The following SLCO3A1 variants were observed in gnomAD, a reference collection of about 807,000 sequenced individuals.
The protein encoded by SLCO3A1 is solute carrier organic anion transporter family member 3A1, also known as PGE1 transporter.
A neutral mutation model predicts 63.1 loss-of-function variants in SLCO3A1; 27 were observed. That is an observed-to-expected ratio of 0.43 (90% CI 0.32 to 0.59). The LOEUF (loss-of-function observed/expected upper bound fraction) is 0.59, where lower values mean the gene tolerates loss of function less well. Ranked by LOEUF, SLCO3A1 falls within the 20% of genes least tolerant of loss-of-function variation. The pLI is 0.09. For synonymous variants in SLCO3A1, 473 were observed against 409.9 expected (o/e 1.15, Z -1.86); for missense variants, 773 against 945.8 (o/e 0.82, Z 2.40).
At chr15:91,869,362 C>T (rs1897239733) in intron 1 of SLCO3A1, among the ~76,000 whole-genome samples, 1 of 151,798 alleles carries the variant, frequency 6.6e-6, no homozygotes, top group Non-Finnish European at 1.5e-5. Context: ...ATGGTGAAAC[C>T]CTGTCTGTAC....
intron 2 of SLCO3A1, among the ~76,000 whole-genome samples, chr15:92,016,258 A>ATGATAGATAGATTGATTGAT (rs1381678735): frequency 2.4e-5 from 3 of 126,174 alleles, no homozygotes; most frequent in Admixed American, 7.8e-5. Context: ...GATAGATTAG[A>ATGATAGATAGATTGATTGAT]TAGATAGATA....
At chr15:91,933,341 G>C (rs80246087) in intron 2 of SLCO3A1, among the ~76,000 whole-genome samples, 354 of 152,224 alleles carry the variant, frequency 2.3e-3, no homozygotes, top group African/African-American at 8.0e-3. Flanking sequence ...AATATTCTGA[G>C]AATTCTAGCT....
At chr15:92,045,858 T>A (rs193258218) in intron 2 of SLCO3A1, among the ~76,000 whole-genome samples, 88 of 152,276 alleles carry the variant, frequency 5.8e-4, no homozygotes, top group African/African-American at 2.0e-3. Flanking sequence ...GTCACTTGGC[T>A]TCAGTCACCC....
intron 2 of SLCO3A1, among the ~76,000 whole-genome samples, chr15:92,069,545 T>A (rs1242249157): frequency 1.3e-5 from 2 of 152,210 alleles, no homozygotes; most frequent in Non-Finnish European, 2.9e-5. Context: ...CCAGGTGACC[T>A]AAACCTGGCT....
downstream of SLCO3A1, among the ~76,000 whole-genome samples, chr15:92,167,742 C>G (rs1267071679): frequency 1.3e-5 from 2 of 152,194 alleles, no homozygotes; most frequent in African/African-American, 2.4e-5. Flanking sequence ...ATGCATGCAG[C>G]CACCCACGCC....
chr15:92,131,785 C>T (rs1287414793), intron 7 of SLCO3A1, among the ~76,000 whole-genome samples: 1 of 145,946 alleles, frequency 6.9e-6, no homozygotes, highest in Non-Finnish European at 1.5e-5. Flanking sequence ...TCTGTCTTAT[C>T]TCTCAGGGCT....
intron 2 of SLCO3A1, among the ~76,000 whole-genome samples, chr15:92,094,487 A>C (rs1224339252): frequency 6.6e-6 from 1 of 152,250 alleles, no homozygotes; most frequent in Non-Finnish European, 1.5e-5. Flanking sequence ...AAGGGATCTT[A>C]GCCAACCATA....
chr15:91,890,941 A>G (rs1337482862), intron 1 of SLCO3A1, among the ~76,000 whole-genome samples: 1 of 152,212 alleles, frequency 6.6e-6, no homozygotes, highest in Non-Finnish European at 1.5e-5. Flanking sequence ...CCTTATGATA[A>G]TATCACAATA....
chr15:91,943,655 G>A (rs1190766043), intron 2 of SLCO3A1, among the ~76,000 whole-genome samples: 6 of 152,212 alleles, frequency 3.9e-5, no homozygotes, highest in East Asian at 1.9e-4. Flanking sequence ...TCGAGGAACC[G>A]CCATACTGTT....
At chr15:91,876,941 C>T (rs539473913) in intron 1 of SLCO3A1, among the ~76,000 whole-genome samples, 172 of 152,278 alleles carry the variant, frequency 1.1e-3, no homozygotes, top group Non-Finnish European at 1.7e-3. Context: ...TGACTTTTGC[C>T]GATATGTTTG....
intron 1 of SLCO3A1, among the ~76,000 whole-genome samples, chr15:91,873,217 A>T (rs1897319483): frequency 6.6e-6 from 1 of 152,216 alleles, no homozygotes; most frequent in African/African-American, 2.4e-5. Flanking sequence ...GATGTTTGCC[A>T]AAAGATGCTG....
intron 9 of SLCO3A1, 36 bp from the exon 10 acceptor site, chr15:92,162,720 A>G (rs1014033878): frequency 1.9e-6 from 3 of 1,575,316 alleles, no homozygotes; most frequent in Admixed American, 1.8e-5. Context: ...ACTGGCCACC[A>G]GATCCAGAAC....
At chr15:92,143,931 G>T (rs146329319) in intron 7 of SLCO3A1, among the ~76,000 whole-genome samples, 2 of 152,194 alleles carry the variant, frequency 1.3e-5, no homozygotes, top group Admixed American at 6.5e-5. Flanking sequence ...GGCACTCTGC[G>T]ATGTGGGGAG....
At position 91,954,022 on chromosome 15, in the gene SLCO3A1, G is replaced by A. The variant is rs1213936740; in HGVS notation, c.646+37564G>A. On this transcript the variant is annotated intron_variant, in intron 2 of 9. Coordinates refer to ENST00000318445, the MANE Select transcript of SLCO3A1 (RefSeq NM_013272.4). The surrounding 1 kb of genome is among the most constrained non-coding windows in gnomAD (Gnocchi z 4.7). ...AGGGGTATGTCTATGGATATTTACT[G>A]TATTAGAAATTAAAACTGAGGATAC... Among the ~76,000 whole-genome samples the A allele has an allele frequency of 2.0e-5, 3 of 152,134 alleles. No individual in the cohort carries two copies. The highest frequency in any genetic ancestry group is 4.4e-5 in the Non-Finnish European group (3 of 68,022).
At chr15:92,134,849 T>C (rs908028042) in intron 7 of SLCO3A1, among the ~76,000 whole-genome samples, 11 of 151,986 alleles carry the variant, frequency 7.2e-5, no homozygotes, top group Admixed American at 3.3e-4. Context: ...ACTTGCAGTA[T>C]CAGGCCTGCT....
chr15:92,113,404 C>T lies in SLCO3A1; in HGVS notation c.1010-7061C>T, dbSNP rs77409341. Among the ~76,000 whole-genome samples the T allele has an allele frequency of 2.1e-3, 312 of 152,164 alleles. 9 individuals carry two copies. The East Asian group carries it at 0.049, about 24-fold the overall frequency. ...ATAGAATTGATGGGGGAGTTATCCC[C>T]GCCAGCCCGCACCCAGCTAACATTG... On this transcript the variant is annotated intron_variant, in intron 4 of 9. Coordinates refer to ENST00000318445, the MANE Select transcript of SLCO3A1 (RefSeq NM_013272.4).
Position 92,146,977 on chromosome 15 carries a change from C to T in SLCO3A1, c.1513-7C>T. The T allele has an allele frequency of 1.2e-6, 2 of 1,603,650 alleles. No individual in the cohort carries two copies. The highest frequency in any genetic ancestry group is 1.7e-6 in the Non-Finnish European group (2 of 1,175,594). ...CCAGATAAAAGGGCTGAACGCTTCC[C>T]TTTCAGAATCTCACGGGCTGTGCGT... On this transcript the variant is annotated splice_region_variant and splice_polypyrimidine_tract_variant and intron_variant, in intron 7 of 9. Transcript: ENST00000318445.
In SLCO3A1 at chr15:91,853,887, CGGCGGCGGCGGCGGG is replaced by C; in HGVS notation, c.-19_-5del. 1 of 1,322,526 alleles carries C rather than the reference CGGCGGCGGCGGCGGG, an allele frequency of 7.6e-7. No individual in the cohort carries two copies. The highest frequency in any genetic ancestry group is 3.3e-5 in the Admixed American group (1 of 29,858). The allele number at this position is 1,322,526 out of a possible 1,614,324, so 81.9% of individuals were successfully genotyped here. A position where few individuals can be genotyped will look rare whatever the true frequency, so the allele number is the denominator to read the frequency against. On this transcript the variant is annotated 5_prime_UTR_variant, in exon 1 of 10. Transcript: ENST00000318445. Reference sequence around the variant, plus strand: ...AGCGGGAAAGCGGCAGCGGCGGCGGCGGCGGCGGCGGCGGGGGAAGGATGCAGGGGAAGAAGCCGG... The same window carrying C: ...AGCGGGAAAGCGGCAGCGGCGGCGGCGGAAGGATGCAGGGGAAGAAGCCGG...
Position 91,854,183 on chromosome 15 carries a change from G to T in SLCO3A1, c.180+95G>T. 1 of 1,202,414 alleles carries T rather than the reference G, an allele frequency of 8.3e-7. No homozygotes were observed. Among genetic ancestry groups the T allele is most frequent in the Non-Finnish European group, 1.1e-6 (1 of 936,508 alleles). 74.5% of individuals were successfully genotyped at this position (1,202,414 alleles called of 1,614,324 possible). On this transcript the variant is annotated intron_variant, in intron 1 of 9. Coordinates refer to ENST00000318445, the MANE Select transcript of SLCO3A1 (RefSeq NM_013272.4). The surrounding 1 kb of genome is among the most constrained non-coding windows in gnomAD (Gnocchi z 6.4). ...ACGAGGGGGCCGCCCGGCGCTGGGG[G>T]CAGGCGGGCATGACCTCGGCCCGGC...
Sources: allele counts gnomAD v4.1 joint callset (sites outside exome capture counted in the v4.1 genomes callset), GRCh38; gene constraint gnomAD v4.1.1; non-coding constraint Gnocchi (gnomAD v3.1); transcripts MANE v1.5; gene names NCBI Gene and HGNC (gene_info 2026-07-23, HGNC 2026-07-21).